Variants in ARG1 observed in about 807,000 individuals in gnomAD.
The protein encoded by ARG1 is arginase 1, also known as arginase-1.
Under a neutral mutation model 33.0 loss-of-function variants are expected in ARG1, and 20 were observed. The ratio of observed to expected loss-of-function variants is 0.61; its 90% CI spans 0.43 to 0.88. The LOEUF (loss-of-function observed/expected upper bound fraction) is 0.88. Ranked by LOEUF, ARG1 falls within the 40% of genes least tolerant of loss-of-function variation. The pLI is 0.00. For missense variants in ARG1, 374 were observed against 384.7 expected, an observed-to-expected ratio of 0.97 and a Z score of 0.23; for synonymous variants, 146 against 140.6, an observed-to-expected ratio of 1.04 and a Z score of -0.27.
Position 131,576,725 on chromosome 6 carries a change from TAAAG to T in ARG1, c.123_126del (p.Lys41AsnfsTer6). On this transcript the variant is annotated frameshift_variant, in exon 2 of 8. Coordinates refer to ENST00000368087, the MANE Select transcript of ARG1 (RefSeq NM_000045.4). LOFTEE classifies it high-confidence loss of function. The stretch of plus-strand genomic sequence containing the variant: ...GAAAGGCTGGTCTGCTTGAGAAACT[TAAAG>T]AACAAGGTAATTTTTAAGTTGAAAA... 2 of 1,613,624 alleles carry T rather than the reference TAAAG, an allele frequency of 1.2e-6. No homozygotes were observed. The highest frequency in any genetic ancestry group is 1.7e-6 in the Non-Finnish European group (2 of 1,179,620).
chr6:131,577,956 T>C (rs755397428), intron 2 of ARG1, among the ~76,000 whole-genome samples: 6 of 144,158 alleles, frequency 4.2e-5, no homozygotes, highest in African/African-American at 7.7e-5. Flanking sequence ...GGCAAAAACA[T>C]GGTAGATCTC....
chr6:131,579,326 G>C (rs1306976239), intron 3 of ARG1, 41 bp downstream of exon 3: 4 of 1,606,442 alleles, frequency 2.5e-6, no homozygotes, highest in Non-Finnish European at 2.6e-6. Context: ...CTGGCACAAA[G>C]GAAGTAACCA....
chr6:131,574,768 G>A (rs191325074), intron 1 of ARG1, among the ~76,000 whole-genome samples: 3 of 152,258 alleles, frequency 2.0e-5, no homozygotes, highest in Admixed American at 1.3e-4. Context: ...CTTCATCCCT[G>A]TCTCACCTCC....
At chr6:131,578,949 A>C in intron 2 of ARG1, 162 bp from the exon 3 acceptor site, 1 of 744,464 alleles carries the variant, frequency 1.3e-6, no homozygotes, top group Non-Finnish European at 2.1e-6. Context: ...CGTCAAGCAA[A>C]AGCAGACATG....
rs1037482297 is a variant in ARG1 at position 131,580,607 on chromosome 6, C to T, written c.306-612C>T. Among the ~76,000 whole-genome samples, 1 of 152,262 alleles carries T rather than the reference C, an allele frequency of 6.6e-6. No individual in the cohort carries two copies. Among genetic ancestry groups the T allele is most frequent in the South Asian group, 2.1e-4 (1 of 4,826 alleles). ...TATGTCTTCCATTCCAGCAAAATGT[C>T]TGGAGCTTGAAGTATTTGGGATGAA... On this transcript the variant is annotated intron_variant, in intron 3 of 7. Coordinates refer to ENST00000368087, the MANE Select transcript of ARG1 (RefSeq NM_000045.4).
At chr6:131,579,363 A>G in intron 3 of ARG1, 78 bp downstream of exon 3, 1 of 1,513,988 alleles carries the variant, frequency 6.6e-7, no homozygotes, top group Non-Finnish European at 9.0e-7. Context: ...GAAAATTTAG[A>G]AATATAGACA....
intron 4 of ARG1, among the ~76,000 whole-genome samples, chr6:131,581,836 T>C (rs1773941813): frequency 6.6e-6 from 1 of 152,224 alleles, no homozygotes; most frequent in Non-Finnish European, 1.5e-5. Context: ...ATTTCAGATA[T>C]AATGGTTTAT....
rs934942148 is a variant in ARG1 at position 131,583,061 on chromosome 6, T to G, written c.562T>G (p.Tyr188Asp). ...GLRDVDPGEH[Y>D]ILKTLGIKYF... Reference sequence around the variant, plus strand: ...ATTATCTTAATTTCTCTTTTATAGCTACATTTTGAAAACTCTAGGCATTAA... The same window carrying G: ...ATTATCTTAATTTCTCTTTTATAGCGACATTTTGAAAACTCTAGGCATTAA... The change falls in exon 6 of 8, where the codon TAC (tyrosine) becomes GAC (aspartate). Residue 188 changes from tyrosine (Y) to aspartate (D), a missense_variant and splice_region_variant. Tyr to Asp is a radical substitution (Grantham distance 160). Transcript: ENST00000368087. The G allele has an allele frequency of 1.9e-5, 30 of 1,609,030 alleles. No individual in the cohort carries two copies. The highest frequency in any genetic ancestry group is 2.3e-5 in the Non-Finnish European group (27 of 1,175,922).
rs574320679 is a variant in ARG1 at position 131,581,305 on chromosome 6, C to A, written c.392C>A (p.Thr131Asn). The stretch of plus-strand genomic sequence containing the variant: ...GTGGATGCTCACACTGATATCAACA[C>A]TCCACTGACAACCACAAGTGGAAAC... ...IWVDAHTDIN[T>N]PLTTTSGNLH... The change falls in exon 4 of 8, where the codon ACT becomes AAT. Residue 131 changes from threonine to asparagine, a missense_variant. By Grantham distance (65) the Thr-to-Asn change is moderately conservative. Transcript: ENST00000368087. 3 of 1,613,824 alleles carry A rather than the reference C, an allele frequency of 1.9e-6. No individual in the cohort carries two copies. Among genetic ancestry groups the A allele is most frequent in the Non-Finnish European group, 2.5e-6 (3 of 1,179,880 alleles).
At chr6:131,574,376 C>A in intron 1 of ARG1, 1 of 1,517,298 alleles carries the variant, frequency 6.6e-7, no homozygotes. Context: ...TTTGCTTCCC[C>A]TGGAAATCCT....
At chr6:131,574,833 T>C (rs1773535963) in intron 1 of ARG1, among the ~76,000 whole-genome samples, 1 of 152,154 alleles carries the variant, frequency 6.6e-6, no homozygotes, top group South Asian at 2.1e-4. Flanking sequence ...ATTTTTACCT[T>C]ACAGTTGGGT....
chr6:131,576,007 T>C (rs1434635638), intron 1 of ARG1, among the ~76,000 whole-genome samples: 1 of 152,240 alleles, frequency 6.6e-6, no homozygotes, highest in African/African-American at 2.4e-5. Flanking sequence ...TCACACTCTT[T>C]CGATGCTTTT....
At position 131,583,111 on chromosome 6, in the gene ARG1, C is replaced by A. The variant is rs775435820; in HGVS notation, c.612C>A (p.Asp204Glu). Residue 204 changes from aspartate to glutamate, a missense_variant, in exon 6 of 8, where the codon GAC becomes GAA. Transcript: ENST00000368087. ...GIKYFSMTEV[D>E]RLGIGKVMEE... ...AATACTTTTCAATGACTGAAGTGGA[C>A]AGACTAGGAATTGGCAAGGTGATGG... 8 of 1,613,940 alleles carry A rather than the reference C, an allele frequency of 5.0e-6. No homozygotes were observed. The Admixed American group carries it at 1.3e-4, about 27-fold the overall frequency.
intron 1 of ARG1, chr6:131,574,255 C>T: frequency 6.2e-7 from 1 of 1,613,720 alleles, no homozygotes. Flanking sequence ...CGTTTTGCTT[C>T]CTCTTAATTT....
At chr6:131,574,369 G>T in intron 1 of ARG1, 1 of 1,547,904 alleles carries the variant, frequency 6.5e-7, no homozygotes, top group African/African-American at 1.4e-5. Flanking sequence ...ATACTACTTT[G>T]CTTCCCCTGG....
intron 4 of ARG1, among the ~76,000 whole-genome samples, 199 bp downstream of exon 4, chr6:131,581,577 A>G (rs1392434352): frequency 1.3e-5 from 2 of 152,196 alleles, no homozygotes; most frequent in Non-Finnish European, 2.9e-5. Context: ...GACTTAATAT[A>G]TATTTTCTCT....
chr6:131,574,503 CTCACAAAAGGGAAGCAAG>C (rs1773519389), intron 1 of ARG1, among the ~76,000 whole-genome samples: 4 of 152,104 alleles, frequency 2.6e-5, no homozygotes, highest in African/African-American at 9.7e-5. Flanking sequence ...ATTTAAAAAC[CTCACAAAAGGGAAGCAAG>C]TGTCCTCCTT....
Position 131,583,828 on chromosome 6 carries a change from G to GT in ARG1, c.891dup (p.Ala298CysfsTer14). On this transcript the variant is annotated frameshift_variant, in exon 8 of 8. Transcript: ENST00000368087. LOFTEE classifies it high-confidence loss of function. ...AGTAACTCGAACAGTGAACACAGCA[G>GT]TTGCAATAACCTTGGCTTGTTTCGG... is the stretch of plus-strand genomic sequence containing the variant. 1 of 1,614,142 alleles carries GT rather than the reference G, an allele frequency of 6.2e-7. No homozygotes were observed.
chr6:131,574,188 T>C, intron 1 of ARG1: 2 of 1,319,330 alleles, frequency 1.5e-6, no homozygotes, highest in South Asian at 2.4e-5. Flanking sequence ...AACAAGACAA[T>C]GTATGAGTTG....
Sources: gnomAD v4.1 joint callset for allele counts (sites outside exome capture counted in the v4.1 genomes callset) on GRCh38, gnomAD v4.1.1 for gene constraint, MANE v1.5 for transcripts, NCBI Gene and HGNC (gene_info 2026-07-23, HGNC 2026-07-21) for gene names.